Variants in PAX9 observed in about 807,000 individuals in gnomAD.
The protein encoded by PAX9 is paired box 9, also known as paired box protein Pax-9.
In PAX9, 6 loss-of-function variants were observed where a neutral mutation model predicts 29.1. That is an observed-to-expected ratio of 0.21 (90% CI 0.11 to 0.41). The LOEUF is 0.41. PAX9 is among the 10% of genes least tolerant of loss of function. The pLI, the probability that PAX9 is intolerant of heterozygous loss-of-function variation, is 1.00. For missense variants in PAX9, 443 were observed against 479.1 expected, an observed-to-expected ratio of 0.92 and a Z score of 0.70; for synonymous variants, 217 against 211.7, an observed-to-expected ratio of 1.03 and a Z score of -0.22.
rs1441276453 is a variant in PAX9, at chr14:36,666,510, G to C, written c.680G>C (p.Ser227Thr). 1 of 1,606,776 alleles carries C rather than the reference G, an allele frequency of 6.2e-7. No individual in the cohort carries two copies. Among genetic ancestry groups the C allele is most frequent in the African/African-American group, 1.3e-5 (1 of 74,772 alleles). Residue 227 changes from serine (S) to threonine (T), a missense_variant, in exon 3 of 4, where the codon AGC becomes ACC. Ser to Thr is a moderately conservative substitution (Grantham distance 58, BLOSUM62 1). Coordinates refer to ENST00000361487, the MANE Select transcript of PAX9 (RefSeq NM_001372076.1). Reference protein sequence around the residue: ...YHSPKVEEWSSLGRNNFPAAA... With the variant: ...YHSPKVEEWSTLGRNNFPAAA... ...AGCCCCAAGGTGGAGGAGTGGAGCA[G>C]CCTGGGCCGCAACAACTTCCCCGCC...
chr14:36,666,004 C>G (rs1206708870), intron 2 of PAX9: 1 of 187,078 alleles, frequency 5.3e-6, no homozygotes, highest in African/African-American at 2.4e-5. Context: ...GTGCAGGCAC[C>G]CTTAGGTCAG....
rs111741984 is a variant in PAX9, at chr14:36,670,807, A to G, written c.771+4206A>G. Among the ~76,000 whole-genome samples, 845 of 152,186 alleles carry G rather than the reference A, an allele frequency of 5.6e-3. 8 individuals carry two copies. Among genetic ancestry groups the G allele is most frequent in the Non-Finnish European group, 8.8e-3 (600 of 67,900 alleles). On this transcript the variant is annotated intron_variant, in intron 3 of 3. Coordinates refer to ENST00000361487, the MANE Select transcript of PAX9 (RefSeq NM_001372076.1). ...TATGTCAATTTTAATAATATTTTGG[A>G]AAATTATAAAATTTAGAAAAGCTTT...
At chr14:36,660,285 A>C (rs997766066), upstream of PAX9, among the ~76,000 whole-genome samples, 1 of 152,234 alleles carries the variant, frequency 6.6e-6, no homozygotes, top group Non-Finnish European at 1.5e-5. Context: ...AGGTCAGACC[A>C]GGCTGAAATT....
chr14:36,677,705 A>C lies in PAX9; in HGVS notation c.*1253A>C, dbSNP rs981826298. On this transcript the variant is annotated 3_prime_UTR_variant, in exon 4 of 4. Coordinates refer to ENST00000361487, the MANE Select transcript of PAX9 (RefSeq NM_001372076.1). Reference sequence around the variant, plus strand: ...ATTGTTGTACAGAAGCATGTTTCGCATGTAGGTAAACTGGTGGTGGTACTA... The same window carrying C: ...ATTGTTGTACAGAAGCATGTTTCGCCTGTAGGTAAACTGGTGGTGGTACTA... 1 of 152,266 alleles carries C rather than the reference A, an allele frequency of 6.6e-6. No homozygotes were observed. The highest frequency in any genetic ancestry group is 2.4e-5 in the African/African-American group (1 of 41,476). The allele number at this position is 152,266 out of a possible 1,614,324, so 9.4% of individuals were successfully genotyped here.
Position 36,663,075 on chromosome 14 carries a change from C to A in PAX9, c.183C>A (p.Asn61Lys), listed in dbSNP as rs1222366464. The A allele has an allele frequency of 1.2e-6, 2 of 1,613,832 alleles. No homozygotes were observed. Among genetic ancestry groups the A allele is most frequent in the African/African-American group, 2.7e-5 (2 of 74,936 alleles). The stretch of plus-strand genomic sequence containing the variant: ...TCAGCAAGATCCTGGCGCGATACAA[C>A]GAGACGGGCTCGATCTTGCCAGGAG... ...GCVSKILARYNETGSILPGAI... is the reference protein window; with the variant it reads ...GCVSKILARYKETGSILPGAI... The change falls in exon 2 of 4, where the codon AAC (asparagine) becomes AAA (lysine). Residue 61 changes from asparagine (N) to lysine (K), a missense_variant. Coordinates refer to ENST00000361487, the MANE Select transcript of PAX9 (RefSeq NM_001372076.1).
upstream of PAX9, among the ~76,000 whole-genome samples, chr14:36,658,292 G>T (rs191968042): frequency 1.3e-5 from 2 of 151,540 alleles, no homozygotes; most frequent in Admixed American, 1.3e-4. Context: ...CCCAGTCCCG[G>T]ACCTCGGACT....
chr14:36,665,181 A>AAAAG (rs1881443941), intron 2 of PAX9, among the ~76,000 whole-genome samples: 1 of 151,774 alleles, frequency 6.6e-6, no homozygotes, highest in Non-Finnish European at 1.5e-5. Flanking sequence ...AAAAAAAAAA[A>AAAAG]AAAAAAAGGC....
At position 36,663,534 on chromosome 14, in the gene PAX9, A is replaced by C; in HGVS notation, c.631+11A>C. On this transcript the variant is annotated intron_variant, in intron 2 of 3. Coordinates refer to ENST00000361487, the MANE Select transcript of PAX9 (RefSeq NM_001372076.1). ...CCATCACCGACCAAGGTAGGGGCTCAGAGGCTGGGCGTGTGGATGTGCAGC... is the reference window on the plus strand; with the variant it reads ...CCATCACCGACCAAGGTAGGGGCTCCGAGGCTGGGCGTGTGGATGTGCAGC... 7 of 1,612,498 alleles carry C rather than the reference A, an allele frequency of 4.3e-6. No individual in the cohort carries two copies. Among genetic ancestry groups the C allele is most frequent in the East Asian group, 2.2e-5 (1 of 44,866 alleles).
At position 36,678,321 on chromosome 14, in the gene PAX9, GA is replaced by G. The variant is rs1882005362; in HGVS notation, c.*1870del. ...TTTTTCAGACAGCAGATATCTTATAGAGAGCTTTGAACTGCATTTATTTCTA... is the reference window on the plus strand; with the variant it reads ...TTTTTCAGACAGCAGATATCTTATAGGAGCTTTGAACTGCATTTATTTCTA... On this transcript the variant is annotated 3_prime_UTR_variant, in exon 4 of 4. Transcript: ENST00000361487. The G allele has an allele frequency of 1.6e-6, 1 of 614,198 alleles. No homozygotes were observed. Among genetic ancestry groups the G allele is most frequent in the African/African-American group, 1.8e-5 (1 of 54,466 alleles). 38.0% of individuals were successfully genotyped at this position (614,198 alleles called of 1,614,324 possible).
In PAX9 at chr14:36,679,347, T is replaced by TAAAA. The variant is rs1050781166; in HGVS notation, c.*2897_*2900dup. 1.0e-6 allele frequency: 1 copy of TAAAA among 971,038 alleles called. No homozygotes were observed. Among genetic ancestry groups the TAAAA allele is most frequent in the Non-Finnish European group, 1.2e-6 (1 of 817,050 alleles). 60.2% of individuals were successfully genotyped at this position (971,038 alleles called of 1,614,324 possible). ...TTATACTTCAAATGCTCTAAATTAA[T>TAAAA]AAAAAGTAATAATTACCATGTTATC... On this transcript the variant is annotated 3_prime_UTR_variant, in exon 4 of 4. Coordinates refer to ENST00000361487, the MANE Select transcript of PAX9 (RefSeq NM_001372076.1).
At chr14:36,658,711 G>C (rs1881136796), upstream of PAX9, 2 of 152,286 alleles carry the variant, frequency 1.3e-5, no homozygotes, top group Non-Finnish European at 2.9e-5. Flanking sequence ...TCCGCGGGCC[G>C]CTCTAGCGCC....
Position 36,677,277 on chromosome 14 carries a change from T to G in PAX9, c.*825T>G, listed in dbSNP as rs1214818945. The G allele has an allele frequency of 6.6e-6, 1 of 152,204 alleles. No individual in the cohort carries two copies. The highest frequency in any genetic ancestry group is 1.5e-5 in the Non-Finnish European group (1 of 68,106). 9.4% of individuals were successfully genotyped at this position (152,204 alleles called of 1,614,324 possible). ...GCTGCTCGGGCTCCTGGACCTGGAC[T>G]TGCCCCCAAATTTTGTGTATGCAGT... On this transcript the variant is annotated 3_prime_UTR_variant, in exon 4 of 4. Coordinates refer to ENST00000361487, the MANE Select transcript of PAX9 (RefSeq NM_001372076.1).
At chr14:36,668,682 G>A (rs1035086303) in intron 3 of PAX9, among the ~76,000 whole-genome samples, 4 of 151,982 alleles carry the variant, frequency 2.6e-5, no homozygotes, top group African/African-American at 9.7e-5. Flanking sequence ...CCACCGTGCC[G>A]GCCAGTAATT....
Position 36,676,886 on chromosome 14 carries a change from A to C in PAX9, c.*434A>C, listed in dbSNP as rs1176951265. 1 of 220,406 alleles carries C rather than the reference A, an allele frequency of 4.5e-6. No homozygotes were observed. Among genetic ancestry groups the C allele is most frequent in the Non-Finnish European group, 9.2e-6 (1 of 108,732 alleles). 13.7% of individuals were successfully genotyped at this position (220,406 alleles called of 1,614,324 possible). A position where few individuals can be genotyped will look rare whatever the true frequency, so the allele number is the denominator to read the frequency against. ...TCAATAAAGGAAAATACTTATAGAA[A>C]AAATTATGCTACACCCTCTAATCAA... On this transcript the variant is annotated 3_prime_UTR_variant, in exon 4 of 4. Coordinates refer to ENST00000361487, the MANE Select transcript of PAX9 (RefSeq NM_001372076.1).
chr14:36,676,041 T>C (rs144644211), intron 3 of PAX9, among the ~76,000 whole-genome samples, 157 bp from the exon 4 acceptor site: 18 of 152,358 alleles, frequency 1.2e-4, no homozygotes, highest in Admixed American at 5.9e-4. Flanking sequence ...TGAATGTCTT[T>C]AGAATATAAT....
intron 3 of PAX9, among the ~76,000 whole-genome samples, chr14:36,672,805 G>T (rs1451602417): frequency 2.7e-5 from 3 of 112,870 alleles, no homozygotes; most frequent in Non-Finnish European, 5.7e-5. Context: ...TTAAGCAAAC[G>T]TTTTAGCCTC....
intron 3 of PAX9, among the ~76,000 whole-genome samples, chr14:36,669,068 T>C (rs988511814): frequency 6.6e-6 from 1 of 152,204 alleles, no homozygotes; most frequent in Non-Finnish European, 1.5e-5. Context: ...TCAAATGATG[T>C]AAAATTTCAA....
chr14:36,659,830 C>G (rs909748302), upstream of PAX9, among the ~76,000 whole-genome samples: 2 of 152,192 alleles, frequency 1.3e-5, no homozygotes, highest in African/African-American at 4.8e-5. Flanking sequence ...ATAACCAGAG[C>G]TCTAAACCAT....
intron 3 of PAX9, among the ~76,000 whole-genome samples, chr14:36,667,708 A>G (rs943455350): frequency 2.0e-5 from 3 of 152,208 alleles, no homozygotes; most frequent in African/African-American, 7.2e-5. Context: ...TTGTTGAAAT[A>G]GAATCAGAAT....
Sources: gnomAD v4.1 joint callset for allele counts (sites outside exome capture counted in the v4.1 genomes callset) on GRCh38, gnomAD v4.1.1 for gene constraint, MANE v1.5 for transcripts, NCBI Gene and HGNC (gene_info 2026-07-23, HGNC 2026-07-21) for gene names.